The following GRM7 variants were observed in gnomAD, a reference collection of about 807,000 sequenced individuals.
GRM7 encodes the protein metabotropic glutamate receptor 7.
A neutral mutation model predicts 84.5 loss-of-function variants in GRM7; 35 were observed. The ratio of observed to expected loss-of-function variants is 0.41; its 90% CI spans 0.32 to 0.55. The LOEUF is 0.55. Among genes scored for constraint, GRM7 ranks in the 20% least tolerant of loss-of-function variants. The probability of loss-of-function intolerance (pLI) is 0.19; values close to 1 mark genes in which losing one functional copy is unlikely to be tolerated. For missense variants in GRM7, 1,003 were observed against 1,194.6 expected (o/e 0.84, Z 2.36); for synonymous variants, 487 against 455.1 (o/e 1.07, Z -0.89).
intron 1 of GRM7, among the ~76,000 whole-genome samples, chr3:7,016,632 G>A (rs1268545865): frequency 1.3e-5 from 2 of 152,184 alleles, no homozygotes; most frequent in Non-Finnish European, 2.9e-5. Flanking sequence ...TATCGGTTCC[G>A]TGGAACAGTT....
chr3:6,896,395 A>G (rs1696183734), intron 1 of GRM7, among the ~76,000 whole-genome samples: 1 of 152,186 alleles, frequency 6.6e-6, no homozygotes, highest in South Asian at 2.1e-4. Flanking sequence ...TGAACATTTG[A>G]TTTTCAGGTG....
Position 7,716,456 on chromosome 3 carries a change from T to A in GRM7, c.2699-23901T>A, listed in dbSNP as rs116543460. 7.5e-3 allele frequency among the ~76,000 whole-genome samples: 1,149 copies of A among 152,352 alleles called. 9 individuals are homozygous for A. Among genetic ancestry groups the A allele is most frequent in the South Asian group, 0.025 (121 of 4,826 alleles). On this transcript the variant is annotated intron_variant, in intron 9 of 9. Transcript: ENST00000357716. ...CCAATACTATTTCCAGCAAAAGTGA[T>A]ACCAATATTTAGTACTTGTCAACAT...
At chr3:7,023,955 T>C (rs183328546) in intron 1 of GRM7, among the ~76,000 whole-genome samples, 54 of 152,212 alleles carry the variant, frequency 3.5e-4, no homozygotes, top group Non-Finnish European at 7.4e-4. Context: ...AAAGTCTTCC[T>C]AGGTGGGTGA....
intron 2 of GRM7, among the ~76,000 whole-genome samples, chr3:7,162,848 C>T (rs113255251): frequency 0.017 from 2,442 of 144,900 alleles, 70 homozygotes; most frequent in African/African-American, 0.059. Context: ...CAACCTCCAC[C>T]TCCTGGGTTC....
At chr3:6,958,036 C>T (rs1693135155) in intron 1 of GRM7, among the ~76,000 whole-genome samples, 1 of 151,982 alleles carries the variant, frequency 6.6e-6, no homozygotes, top group African/African-American at 2.4e-5. Flanking sequence ...ACATGTAATA[C>T]ACGGCATACA....
intron 7 of GRM7, among the ~76,000 whole-genome samples, chr3:7,533,436 C>A (rs1344722329): frequency 6.6e-6 from 1 of 152,190 alleles, no homozygotes; most frequent in East Asian, 1.9e-4. Context: ...TAAATAAGTT[C>A]TTTGAAACTA....
At chr3:7,288,267 A>T (rs1699499932) in intron 2 of GRM7, among the ~76,000 whole-genome samples, 2 of 152,102 alleles carry the variant, frequency 1.3e-5, no homozygotes, top group Non-Finnish European at 2.9e-5. Context: ...ATTACAAAGG[A>T]GTTAAATTTT....
intron 6 of GRM7, among the ~76,000 whole-genome samples, chr3:7,458,214 T>A (rs148220943): frequency 1.6e-3 from 245 of 152,220 alleles, no homozygotes; most frequent in African/African-American, 5.2e-3. Context: ...TTCAGTACAA[T>A]CTGTTATCTG....
chr3:7,452,754 A>C lies in GRM7; in HGVS notation c.1322A>C (p.Glu441Ala). The change falls in exon 6 of 10, where the codon GAG (glutamate) becomes GCG (alanine). Residue 441 changes from glutamate to alanine, a missense_variant. Around this residue, in one of 2 missense-constraint regions of GRM7, gnomAD observed 910 missense variants for 1,126.0 expected, o/e 0.81. Coordinates refer to ENST00000357716, the MANE Select transcript of GRM7 (RefSeq NM_000844.4). ...TACCGGGGTGTCTGCCCAGAGATGG[A>C]GCAAGCTGGAGGCAAGAAGTTGCTG... ...ADYRGVCPEMEQAGGKKLLKY... is the reference protein window; with the variant it reads ...ADYRGVCPEMAQAGGKKLLKY... 1 of 1,613,514 alleles carries C rather than the reference A, an allele frequency of 6.2e-7. No homozygotes were observed. The highest frequency in any genetic ancestry group is 8.5e-7 in the Non-Finnish European group (1 of 1,179,656).
At chr3:7,282,003 A>C (rs1391240635) in intron 2 of GRM7, among the ~76,000 whole-genome samples, 1 of 152,170 alleles carries the variant, frequency 6.6e-6, no homozygotes, top group African/African-American at 2.4e-5. Flanking sequence ...TAATTGCTTG[A>C]ACCCAAGAGA....
intron 5 of GRM7, among the ~76,000 whole-genome samples, chr3:7,423,002 G>A (rs1335184153): frequency 3.9e-5 from 6 of 152,114 alleles, no homozygotes; most frequent in Admixed American, 1.3e-4. Context: ...TTGACCAGAT[G>A]CCCAAGTGGA....
rs1696147146 is a variant in GRM7, at chr3:7,030,401, A to G, written c.520-116051A>G. Among the ~76,000 whole-genome samples, 6 of 152,260 alleles carry G rather than the reference A, an allele frequency of 3.9e-5. 1 individual carries two copies. The South Asian group carries it at 1.2e-3, about 32-fold the overall frequency. On this transcript the variant is annotated intron_variant, in intron 1 of 9. Coordinates refer to ENST00000357716, the MANE Select transcript of GRM7 (RefSeq NM_000844.4). ...GGTGGGAGATATGTTCATTATCTTG[A>G]TTTTGGTGATTTTCTCACAGATACA...
chr3:7,514,016 G>A (rs1247784095), intron 7 of GRM7, among the ~76,000 whole-genome samples: 1 of 152,222 alleles, frequency 6.6e-6, no homozygotes, highest in Non-Finnish European at 1.5e-5. Flanking sequence ...TGTACCTTGA[G>A]TGACTTAATC....
At chr3:7,295,059 T>G (rs963473767) in intron 2 of GRM7, among the ~76,000 whole-genome samples, 2 of 152,240 alleles carry the variant, frequency 1.3e-5, no homozygotes. Flanking sequence ...ACTTTGGATA[T>G]TATATTCAAA....
chr3:7,247,602 TAAAAA>T, intron 2 of GRM7, among the ~76,000 whole-genome samples: 1 of 102,612 alleles, frequency 9.7e-6, no homozygotes, highest in East Asian at 2.7e-4. Context: ...TCTTTTTTTT[TAAAAA>T]AAAAAAAAAA....
intron 7 of GRM7, among the ~76,000 whole-genome samples, chr3:7,575,630 TAATC>T (rs954949652): frequency 6.6e-6 from 1 of 152,238 alleles, no homozygotes; most frequent in African/African-American, 2.4e-5. Flanking sequence ...ATTTAAATGT[TAATC>T]AGTACCTTCA....
chr3:7,238,997 C>CTTTTT (rs1559520012), intron 2 of GRM7, among the ~76,000 whole-genome samples: 4 of 137,588 alleles, frequency 2.9e-5, no homozygotes, highest in African/African-American at 2.7e-5. Context: ...TTCTTTTTTC[C>CTTTTT]TTTTTCTTTT....
intron 8 of GRM7, among the ~76,000 whole-genome samples, chr3:7,652,719 G>A (rs1345138641): frequency 6.6e-6 from 1 of 152,158 alleles, no homozygotes; most frequent in African/African-American, 2.4e-5. Context: ...GGCCATGCCA[G>A]TCAAAATAAG....
At chr3:7,051,376 A>G (rs1427636717) in intron 1 of GRM7, among the ~76,000 whole-genome samples, 1 of 151,790 alleles carries the variant, frequency 6.6e-6, no homozygotes, top group Non-Finnish European at 1.5e-5. Flanking sequence ...TGGGCAGGAC[A>G]GCAGAGTTCC....
Sources: allele counts gnomAD v4.1 joint callset (sites outside exome capture counted in the v4.1 genomes callset), GRCh38; gene constraint gnomAD v4.1.1; regional missense constraint gnomAD v4.1.1; transcripts MANE v1.5; gene names NCBI Gene and HGNC (gene_info 2026-07-23, HGNC 2026-07-21).